The following UNC13B variants were observed in gnomAD, a reference collection of about 807,000 sequenced individuals.
The protein encoded by UNC13B is unc-13 homolog B, also known as protein unc-13 homolog B.
In UNC13B, 144 loss-of-function variants were observed where a neutral mutation model predicts 211.0. The ratio of observed to expected loss-of-function variants is 0.68; its 90% CI spans 0.60 to 0.78. The LOEUF (loss-of-function observed/expected upper bound fraction) is 0.78. Ranked by LOEUF, UNC13B falls within the 30% of genes least tolerant of loss-of-function variation. The probability of loss-of-function intolerance (pLI) is 0.00; values close to 1 mark genes in which losing one functional copy is unlikely to be tolerated. For synonymous variants in UNC13B, 709 were observed against 725.8 expected (o/e 0.98, Z 0.37); for missense variants, 1,777 against 2,002.0 (o/e 0.89, Z 2.14).
chr9:35,259,951 C>T (rs1387517316), intron 7 of UNC13B, among the ~76,000 whole-genome samples: 4 of 143,994 alleles, frequency 2.8e-5, no homozygotes, highest in Non-Finnish European at 6.0e-5. Context: ...GCATGGTTCC[C>T]AGCACTTTGG....
chr9:35,358,229 C>T (rs1459846845), intron 11 of UNC13B, among the ~76,000 whole-genome samples: 1 of 152,218 alleles, frequency 6.6e-6, no homozygotes, highest in Non-Finnish European at 1.5e-5. Context: ...ACATTGCTTC[C>T]ACCTTTTGGC....
intron 11 of UNC13B, chr9:35,352,944 G>A (rs1587681036): frequency 6.5e-6 from 8 of 1,232,190 alleles, no homozygotes; most frequent in Middle Eastern, 3.1e-4. Flanking sequence ...GCCAGCAGCT[G>A]CCTGTCATTG....
intron 1 of UNC13B, among the ~76,000 whole-genome samples, chr9:35,188,323 A>T (rs1822472909): frequency 6.6e-6 from 1 of 152,212 alleles, no homozygotes. Flanking sequence ...CGAATGACAA[A>T]ATTTCCAAGG....
intron 7 of UNC13B, among the ~76,000 whole-genome samples, chr9:35,273,015 C>T (rs1827978970): frequency 6.6e-6 from 1 of 152,194 alleles, no homozygotes. Flanking sequence ...GTTTGTTTCA[C>T]TGGTTTTCTT....
In UNC13B at chr9:35,376,177, G is replaced by T. The variant is rs759274444; in HGVS notation, c.9765G>T (p.Met3255Ile). The T allele has an allele frequency of 6.2e-7, 1 of 1,614,224 alleles. No homozygotes were observed. Among genetic ancestry groups the T allele is most frequent in the South Asian group, 1.1e-5 (1 of 91,090 alleles). ...TCTGGGGCATTGCCCGGCAGGGCAT[G>T]CGCTGCAGCGAATGTGGAGTCAAGT... ...GLLWGIARQG[M>I]RCSECGVKCH... is the part of the protein sequence containing the mutation. Residue 3255 changes from methionine (M) to isoleucine (I), a missense_variant, in exon 15 of 40, where the codon ATG becomes ATT. Met to Ile is a conservative substitution (Grantham distance 10). Coordinates refer to ENST00000635942, the MANE Select transcript of UNC13B (RefSeq NM_001371189.2).
intron 11 of UNC13B, among the ~76,000 whole-genome samples, chr9:35,316,140 A>G (rs1830439327): frequency 6.6e-6 from 1 of 152,184 alleles, no homozygotes; most frequent in South Asian, 2.1e-4. Context: ...CCAGCTAAGT[A>G]GCCGTCTCCT....
chr9:35,402,256 A>AGATTGTGGT (rs1202672438), intron 37 of UNC13B, among the ~76,000 whole-genome samples: 1 of 151,424 alleles, frequency 6.6e-6, no homozygotes, highest in Non-Finnish European at 1.5e-5. Flanking sequence ...CTGGGGTGTA[A>AGATTGTGGT]GATTGTGGTG....
rs1827109186 is a variant in UNC13B at position 35,259,144 on chromosome 9, G to C, written c.526+94G>C. 5 of 1,281,134 alleles carry C rather than the reference G, an allele frequency of 3.9e-6. No individual in the cohort carries two copies. In the Admixed American group the frequency reaches 7.1e-5, roughly 18 times the overall value. 79.4% of individuals were successfully genotyped at this position (1,281,134 alleles called of 1,614,324 possible). ...ATTCTGAGCTGGGGAGGGTGGAGAT[G>C]TCATGTGTGTAAGCAGAAGATATTC... On this transcript the variant is annotated intron_variant, in intron 7 of 39. Coordinates refer to ENST00000635942, the MANE Select transcript of UNC13B (RefSeq NM_001371189.2).
At chr9:35,392,381 A>G (rs990584634) in intron 26 of UNC13B, among the ~76,000 whole-genome samples, 2 of 152,134 alleles carry the variant, frequency 1.3e-5, no homozygotes, top group African/African-American at 4.8e-5. Flanking sequence ...ATTTAGGGAT[A>G]GAGGGTGCTG....
chr9:35,315,775 G>A (rs568178767), intron 11 of UNC13B, among the ~76,000 whole-genome samples: 3 of 152,178 alleles, frequency 2.0e-5, no homozygotes, highest in South Asian at 2.1e-4. Flanking sequence ...AGCTTCGTTC[G>A]GTGTTTCCCA....
chr9:35,276,854 G>C (rs1044258355), intron 7 of UNC13B, among the ~76,000 whole-genome samples: 2 of 151,930 alleles, frequency 1.3e-5, no homozygotes, highest in African/African-American at 2.4e-5. Context: ...TCCCACAAAG[G>C]CCAAATTGTT....
At chr9:35,380,784 G>A (rs1834773963) in intron 18 of UNC13B, 145 bp downstream of exon 18, 1 of 1,111,096 alleles carries the variant, frequency 9.0e-7, no homozygotes, top group Non-Finnish European at 1.3e-6. Context: ...TGACTGTGGG[G>A]AGGGATGGGG....
chr9:35,328,343 G>C (rs113820787), intron 11 of UNC13B, among the ~76,000 whole-genome samples: 2,199 of 152,058 alleles, frequency 0.014, 30 homozygotes, highest in Non-Finnish European at 0.023. Context: ...TTTTAAACAT[G>C]AGCAAAGTCC....
intron 11 of UNC13B, among the ~76,000 whole-genome samples, chr9:35,346,313 C>T (rs1832354836): frequency 6.6e-6 from 1 of 152,060 alleles, no homozygotes. Flanking sequence ...TGGCCTTTTC[C>T]CAGAGGTCCC....
intron 1 of UNC13B, among the ~76,000 whole-genome samples, chr9:35,194,810 C>T (rs1417370757): frequency 6.6e-6 from 1 of 152,014 alleles, no homozygotes; most frequent in Non-Finnish European, 1.5e-5. Context: ...TCTGTCATCT[C>T]GTGCCAGAAA....
Position 35,304,310 on chromosome 9 carries a change from G to T in UNC13B, c.4906G>T (p.Glu1636Ter). Residue 1636 changes from glutamate to a stop codon, truncating the protein, a stop_gained, in exon 9 of 40, where the codon GAG becomes TAG. Coordinates refer to ENST00000635942, the MANE Select transcript of UNC13B (RefSeq NM_001371189.2). LOFTEE classifies it high-confidence loss of function. ...AGAAACCTTTTCACAAGTACTTAAA[G>T]AGTCAAGTTGTGACCAAAGCGATCA... Reference protein sequence around the residue: ...NLETFSQVLKESSCDQSDQPL... With the variant: ...NLETFSQVLK 1 of 398,696 alleles carries T rather than the reference G, an allele frequency of 2.5e-6. No homozygotes were observed. Among genetic ancestry groups the T allele is most frequent in the South Asian group, 1.3e-4 (1 of 7,848 alleles). 24.7% of individuals were successfully genotyped at this position (398,696 alleles called of 1,614,324 possible).
intron 11 of UNC13B, among the ~76,000 whole-genome samples, chr9:35,328,675 CCTTCCCTTCCCTTT>C (rs1436680924): frequency 1.6e-4 from 22 of 138,738 alleles, no homozygotes; most frequent in African/African-American, 3.1e-4. Context: ...TCCCTCCCTT[CCTTCCCTTCCCTTT>C]CTTCCTCCCT....
chr9:35,195,675 T>C (rs373488568), intron 1 of UNC13B, among the ~76,000 whole-genome samples: 243 of 152,348 alleles, frequency 1.6e-3, no homozygotes, highest in African/African-American at 5.5e-3. Flanking sequence ...TCAAATACCC[T>C]TTTTCATAAT....
rs1353369408 is a variant in UNC13B at position 35,310,505 on chromosome 9, T to A, written c.9047T>A (p.Val3016Glu). 1 of 1,613,974 alleles carries A rather than the reference T, an allele frequency of 6.2e-7. No homozygotes were observed. The highest frequency in any genetic ancestry group is 8.5e-7 in the Non-Finnish European group (1 of 1,180,024). The part of the protein sequence containing the change: ...SSSRYGSSCN[V>E]SQGSSQLSEL... ...AGTAGGTATGGCTCCTCCTGTAATG[T>A]GAGTCAAGGAAGCTCTCAGCTAAGT... Residue 3016 changes from valine (V) to glutamate (E), a missense_variant, in exon 10 of 40, where the codon GTG (valine) becomes GAG (glutamate). Coordinates refer to ENST00000635942, the MANE Select transcript of UNC13B (RefSeq NM_001371189.2).
Sources: allele counts gnomAD v4.1 joint callset (sites outside exome capture counted in the v4.1 genomes callset), GRCh38; gene constraint gnomAD v4.1.1; transcripts MANE v1.5; gene names NCBI Gene and HGNC (gene_info 2026-07-23, HGNC 2026-07-21).